CCDC83: variants seen among roughly 807,000 people sequenced by gnomAD.
CCDC83 encodes coiled-coil domain containing 83.
CCDC83 carries 54 observed loss-of-function variants against 50.1 expected under a neutral mutation model. The observed-to-expected ratio is 1.08, with a 90% CI of 0.87 to 1.35. The LOEUF (loss-of-function observed/expected upper bound fraction) is 1.35, where lower values mean the gene tolerates loss of function less well. Ranked by LOEUF, CCDC83 falls within the 40% of genes most tolerant of loss-of-function variation. CCDC83 has a pLI of 0.00. For missense variants in CCDC83, 518 were observed against 473.9 expected (o/e 1.09, Z -0.86); for synonymous variants, 161 against 153.3 (o/e 1.05, Z -0.37).
intron 3 of CCDC83, among the ~76,000 whole-genome samples, chr11:85,875,790 A>G (rs547828414): frequency 6.6e-6 from 1 of 152,184 alleles, no homozygotes; most frequent in Non-Finnish European, 1.5e-5. Flanking sequence ...CTTCTTTCCT[A>G]CACATCATCT....
Position 85,916,048 on chromosome 11 carries a change from C to A in CCDC83, c.895C>A (p.Pro299Thr). The A allele has an allele frequency of 6.2e-7, 1 of 1,609,746 alleles. No individual in the cohort carries two copies. ...CCAAGAAGAGAAGTCAGAATTGCAA[C>A]CCACAGAAGTAGAAAGTAGAGACTT... is the stretch of plus-strand genomic sequence containing the variant. ...THIEEKSELQ[P>T]TEVESRDLMS... The change falls in exon 10 of 11, where the codon CCC becomes ACC. Residue 299 changes from proline (P) to threonine (T), a missense_variant. Pro to Thr is a conservative substitution (Grantham distance 38, BLOSUM62 -1). Transcript: ENST00000342404.
intron 3 of CCDC83, among the ~76,000 whole-genome samples, chr11:85,873,560 T>G (rs1033357887): frequency 6.6e-6 from 1 of 152,196 alleles, no homozygotes; most frequent in African/African-American, 2.4e-5. Context: ...ACTTCAAAAT[T>G]TTAAAGTTTT....
intron 3 of CCDC83, among the ~76,000 whole-genome samples, chr11:85,880,802 G>A (rs1266537348): frequency 6.6e-6 from 1 of 152,060 alleles, no homozygotes. Context: ...TGAAATTCTT[G>A]GGACCAGAAG....
chr11:85,877,775 C>T (rs1285100814), intron 3 of CCDC83, among the ~76,000 whole-genome samples: 2 of 152,014 alleles, frequency 1.3e-5, no homozygotes, highest in Admixed American at 1.3e-4. Flanking sequence ...AATTAACTAA[C>T]ATAAGTAAAA....
chr11:85,866,839 G>C (rs147335743), intron 2 of CCDC83, among the ~76,000 whole-genome samples: 15 of 152,278 alleles, frequency 9.9e-5, no homozygotes, highest in African/African-American at 3.6e-4. Flanking sequence ...TGGAAACTCA[G>C]AGCAGTGAAG....
chr11:85,910,084 C>T (rs920080906), intron 7 of CCDC83, among the ~76,000 whole-genome samples: 14 of 152,190 alleles, frequency 9.2e-5, no homozygotes, highest in Non-Finnish European at 1.8e-4. Context: ...AGCACAGCCT[C>T]CTGTGTCTGC....
chr11:85,886,165 A>G, intron 4 of CCDC83, 35 bp from the exon 5 acceptor site: 1 of 1,484,624 alleles, frequency 6.7e-7, no homozygotes, highest in Non-Finnish European at 9.0e-7. Context: ...GTTACAAGGA[A>G]AACAGAAATG....
intron 10 of CCDC83, 148 bp downstream of exon 10, chr11:85,916,381 AT>A: frequency 3.0e-6 from 2 of 667,996 alleles, no homozygotes; most frequent in South Asian, 3.5e-5. Context: ...CACATCTCTC[AT>A]TTGGATACCA....
At chr11:85,915,350 T>A in intron 8 of CCDC83, 69 bp from the exon 9 acceptor site, 1 of 1,071,600 alleles carries the variant, frequency 9.3e-7, no homozygotes, top group Non-Finnish European at 1.4e-6. Flanking sequence ...AGTAGAGAGA[T>A]AGACCCTAGT....
intron 1 of CCDC83, among the ~76,000 whole-genome samples, chr11:85,857,632 G>A (rs769631236): frequency 3.9e-5 from 6 of 152,092 alleles, no homozygotes; most frequent in Non-Finnish European, 8.8e-5. Flanking sequence ...CAACAACTCC[G>A]TCACCAAGAG....
chr11:85,912,694 G>A (rs192533193), intron 8 of CCDC83: 1 of 1,608,196 alleles, frequency 6.2e-7, no homozygotes, highest in Non-Finnish European at 8.5e-7. Flanking sequence ...CTCGTCATCT[G>A]CTGCTGCTGC....
Position 85,911,352 on chromosome 11 carries a change from G to A in CCDC83, c.744G>A (p.Val248=), listed in dbSNP as rs1206584256. ...ATGAACTGGAAGCAGAAAATTTGGTGCTTATTGATCAACTATCCAACTGTA... is the reference window on the plus strand; with the variant it reads ...ATGAACTGGAAGCAGAAAATTTGGTACTTATTGATCAACTATCCAACTGTA... ...AIHELEAENL[V]LIDQLSNCRL... is the part of the protein sequence containing the mutation. The change falls in exon 8 of 11, where the codon GTG becomes GTA. Residue 248 remains valine, a synonymous_variant. Transcript: ENST00000342404. 2 of 1,611,556 alleles carry A rather than the reference G, an allele frequency of 1.2e-6. No homozygotes were observed. The highest frequency in any genetic ancestry group is 1.7e-5 in the Admixed American group (1 of 59,626).
Position 85,911,364 on chromosome 11 carries a change from A to C in CCDC83, c.756A>C (p.Gln252His), listed in dbSNP as rs913952219. Residue 252 changes from glutamine (Q) to histidine (H), a missense_variant, in exon 8 of 11, where the codon CAA (glutamine) becomes CAC (histidine). Coordinates refer to ENST00000342404, the MANE Select transcript of CCDC83 (RefSeq NM_001286159.2). ...LEAENLVLID[Q>H]LSNCRLVDLK... Reference sequence around the variant, plus strand: ...CAGAAAATTTGGTGCTTATTGATCAACTATCCAACTGTAGACTTGTGGATC... The same window carrying C: ...CAGAAAATTTGGTGCTTATTGATCACCTATCCAACTGTAGACTTGTGGATC... 6 of 1,611,564 alleles carry C rather than the reference A, an allele frequency of 3.7e-6. No individual in the cohort carries two copies. The African/African-American group carries it at 8.0e-5, about 22-fold the overall frequency.
intron 2 of CCDC83, among the ~76,000 whole-genome samples, chr11:85,871,059 G>A (rs191583039): frequency 6.6e-6 from 1 of 151,938 alleles, no homozygotes; most frequent in African/African-American, 2.4e-5. Flanking sequence ...CCCAGTTACT[G>A]GGGAGGCTGA....
At chr11:85,886,415 T>G in intron 5 of CCDC83, 48 bp downstream of exon 5, 1 of 1,476,032 alleles carries the variant, frequency 6.8e-7, no homozygotes, top group Non-Finnish European at 9.1e-7. Context: ...ACATCTTTAG[T>G]AGGGCATACA....
At chr11:85,860,970 G>A (rs1426069975) in intron 1 of CCDC83, among the ~76,000 whole-genome samples, 1 of 150,574 alleles carries the variant, frequency 6.6e-6, no homozygotes, top group African/African-American at 2.5e-5. Context: ...AATAGACACT[G>A]TCTATTACAA....
Position 85,917,166 on chromosome 11 carries a change from GAGAA to G in CCDC83, c.1080+957_1080+960del, listed in dbSNP as rs1554986880. Reference sequence around the variant, plus strand: ...AGAGAGAGAGAGAGAGAGAGAGAGAGAGAAAGAAAGAAAGAAAGAAAGAAAGAGA... The same window carrying G: ...AGAGAGAGAGAGAGAGAGAGAGAGAGAGAAAGAAAGAAAGAAAGAAAGAGA... On this transcript the variant is annotated intron_variant, in intron 10 of 10. Coordinates refer to ENST00000342404, the MANE Select transcript of CCDC83 (RefSeq NM_001286159.2). Among the ~76,000 whole-genome samples, 521 of 62,428 alleles carry G rather than the reference GAGAA, an allele frequency of 8.3e-3. 7 individuals are homozygous for G. The highest frequency in any genetic ancestry group is 0.023 in the East Asian group (63 of 2,786). The allele number at this position is 62,428 out of a possible 152,430, so 41.0% of individuals were successfully genotyped here.
At chr11:85,870,778 G>A (rs755410406) in intron 2 of CCDC83, among the ~76,000 whole-genome samples, 36 of 152,142 alleles carry the variant, frequency 2.4e-4, no homozygotes, top group Non-Finnish European at 5.0e-4. Context: ...ATCATAATGT[G>A]TAAACAATAT....
intron 6 of CCDC83, among the ~76,000 whole-genome samples, chr11:85,897,778 C>A (rs1011082876): frequency 6.6e-6 from 1 of 152,096 alleles, no homozygotes; most frequent in African/African-American, 2.4e-5. Flanking sequence ...TAAAAATTCC[C>A]GGCTCCTAAG....
Sources: gnomAD v4.1 joint callset for allele counts (sites outside exome capture counted in the v4.1 genomes callset) on GRCh38, gnomAD v4.1.1 for gene constraint, MANE v1.5 for transcripts, NCBI Gene and HGNC (gene_info 2026-07-23, HGNC 2026-07-21) for gene names.